TIAM1: variants seen among roughly 807,000 people sequenced by gnomAD.
TIAM1 encodes the protein rho guanine nucleotide exchange factor TIAM1.
A neutral mutation model predicts 163.5 loss-of-function variants in TIAM1; 65 were observed. That is an observed-to-expected ratio of 0.40 (90% CI 0.33 to 0.49). TIAM1 has a LOEUF of 0.49. Ranked by LOEUF, TIAM1 falls within the 20% of genes least tolerant of loss-of-function variation. The pLI is 0.77. For synonymous variants in TIAM1, 833 were observed against 810.1 expected (o/e 1.03, Z -0.48); for missense variants, 1,789 against 2,044.7 (o/e 0.87, Z 2.41).
intron 13 of TIAM1, among the ~76,000 whole-genome samples, chr21:31,192,806 C>T (rs577945137): frequency 2.0e-5 from 3 of 152,260 alleles, no homozygotes; most frequent in African/African-American, 2.4e-5. Flanking sequence ...GGGACAACAC[C>T]TGCTTTCCCA....
At chr21:31,250,101 G>A (rs1436035425) in intron 5 of TIAM1, among the ~76,000 whole-genome samples, 3 of 147,590 alleles carry the variant, frequency 2.0e-5, no homozygotes, top group East Asian at 4.0e-4. Context: ...AGCTGTAACT[G>A]TGCCACTGCA....
chr21:31,502,766 A>G lies in TIAM1; in HGVS notation c.-421-38731T>C, dbSNP rs554452626. 4.6e-5 allele frequency among the ~76,000 whole-genome samples: 7 copies of G among 152,324 alleles called. 1 individual carries two copies. Among genetic ancestry groups the G allele is most frequent in the South Asian group, 2.1e-4 (1 of 4,824 alleles). On this transcript the variant is annotated intron_variant, in intron 1 of 28. Coordinates refer to the TIAM1 transcript ENST00000286827. ...CTTTACAATCAGATCCTAATGATTC[A>G]AGGATTGCTAATCCAGGTGGCTGTA...
chr21:31,346,015 T>C (rs2076141097), upstream of TIAM1, among the ~76,000 whole-genome samples: 1 of 152,016 alleles, frequency 6.6e-6, no homozygotes, highest in Non-Finnish European at 1.5e-5. Context: ...TGGTCCTTAG[T>C]TGGAGGTGAA....
intron 6 of TIAM1, among the ~76,000 whole-genome samples, chr21:31,232,547 A>G (rs565785073): frequency 4.9e-4 from 74 of 152,270 alleles, no homozygotes; most frequent in African/African-American, 1.4e-3. Flanking sequence ...AAGTCTTGCA[A>G]CATTTCATGA....
chr21:31,162,260 A>G (rs2083963638), intron 16 of TIAM1, among the ~76,000 whole-genome samples: 1 of 152,176 alleles, frequency 6.6e-6, no homozygotes, highest in Admixed American at 6.5e-5. Context: ...GAGTGTTGTG[A>G]GGCTAAGATG....
chr21:31,394,924 G>A (rs1268027253), intron 2 of TIAM1, among the ~76,000 whole-genome samples: 1 of 152,020 alleles, frequency 6.6e-6, no homozygotes, highest in Non-Finnish European at 1.5e-5. Flanking sequence ...CTACCCATGA[G>A]CTACAGGCAT....
intron 2 of TIAM1, among the ~76,000 whole-genome samples, chr21:31,324,693 C>T (rs1257458903): frequency 2.0e-5 from 3 of 152,174 alleles, no homozygotes; most frequent in Admixed American, 6.5e-5. Flanking sequence ...TCTAGGATTC[C>T]ATCCACAGGG....
intron 1 of TIAM1, among the ~76,000 whole-genome samples, chr21:31,507,616 T>TA (rs1485297915): frequency 6.6e-6 from 1 of 152,184 alleles, no homozygotes; most frequent in Non-Finnish European, 1.5e-5. Flanking sequence ...AATTATATGG[T>TA]AGGCCTTGGG....
chr21:31,416,947 C>T (rs551944334), intron 2 of TIAM1, among the ~76,000 whole-genome samples: 9 of 152,346 alleles, frequency 5.9e-5, no homozygotes, highest in African/African-American at 2.2e-4. Context: ...GGGATGCTGC[C>T]TGTATTCATC....
intron 22 of TIAM1, among the ~76,000 whole-genome samples, chr21:31,139,474 C>T (rs1041462578): frequency 1.3e-5 from 2 of 152,110 alleles, no homozygotes; most frequent in African/African-American, 4.8e-5. Flanking sequence ...AAATTACCTT[C>T]AAGATATAAC....
At chr21:31,452,132 T>A (rs1413540711) in intron 2 of TIAM1, among the ~76,000 whole-genome samples, 1 of 152,152 alleles carries the variant, frequency 6.6e-6, no homozygotes, top group Non-Finnish European at 1.5e-5. Context: ...GGGCAGGACA[T>A]GACAAAATGA....
At chr21:31,205,479 G>A (rs937399364) in intron 11 of TIAM1, among the ~76,000 whole-genome samples, 6 of 152,228 alleles carry the variant, frequency 3.9e-5, no homozygotes, top group Admixed American at 6.5e-5. Flanking sequence ...ACTTCAGTGT[G>A]AGAGACAGCC....
At chr21:31,397,855 C>T (rs2077099134) in intron 2 of TIAM1, among the ~76,000 whole-genome samples, 1 of 152,182 alleles carries the variant, frequency 6.6e-6, no homozygotes, top group Non-Finnish European at 1.5e-5. Context: ...ACAGAGGCAA[C>T]AGGTCTCACA....
At chr21:31,153,558 G>T (rs144176137) in intron 17 of TIAM1, among the ~76,000 whole-genome samples, 1 of 152,148 alleles carries the variant, frequency 6.6e-6, no homozygotes, top group African/African-American at 2.4e-5. Flanking sequence ...CCCTGCTTTC[G>T]CATAGGAAAT....
At chr21:31,307,066 T>C (rs2074741370) in intron 2 of TIAM1, among the ~76,000 whole-genome samples, 1 of 152,124 alleles carries the variant, frequency 6.6e-6, no homozygotes, top group Non-Finnish European at 1.5e-5. Flanking sequence ...AAACAAAATC[T>C]CAAACCCGAC....
intron 2 of TIAM1, among the ~76,000 whole-genome samples, chr21:31,310,878 T>C (rs947277700): frequency 1.3e-5 from 2 of 152,222 alleles, no homozygotes; most frequent in African/African-American, 4.8e-5. Flanking sequence ...GATGTCAAAA[T>C]GTTTATTTCT....
In TIAM1 at chr21:31,250,237, G is replaced by A. The variant is rs190338629; in HGVS notation, c.1411+1505C>T. 2.3e-3 allele frequency among the ~76,000 whole-genome samples: 351 copies of A among 151,750 alleles called. 2 individuals are homozygous for A. The highest frequency in any genetic ancestry group is 7.1e-3 in the Middle Eastern group (2 of 282). On this transcript the variant is annotated intron_variant, in intron 5 of 27. Transcript: ENST00000541036. ...TCAGAAGGAGCCAGGGCCTCTGAGT[G>A]ACTTCATAGAAAAGAGTTATCACAC...
chr21:31,233,365 T>A (rs1223158500), intron 6 of TIAM1, among the ~76,000 whole-genome samples: 3 of 152,218 alleles, frequency 2.0e-5, no homozygotes, highest in African/African-American at 7.2e-5. Flanking sequence ...ATACTCATCA[T>A]ATTTTGTTTA....
intron 2 of TIAM1, among the ~76,000 whole-genome samples, chr21:31,405,987 A>T (rs1395757249): frequency 1.3e-5 from 2 of 152,172 alleles, no homozygotes; most frequent in African/African-American, 4.8e-5. Flanking sequence ...TAAAAGTATA[A>T]AAGACTGGGC....
Sources: allele counts gnomAD v4.1 joint callset (sites outside exome capture counted in the v4.1 genomes callset), GRCh38; gene constraint gnomAD v4.1.1; transcripts MANE v1.5; gene names NCBI Gene and HGNC (gene_info 2026-07-23, HGNC 2026-07-21).